PTPRD: variants seen among roughly 807,000 people sequenced by gnomAD.
The protein encoded by PTPRD is receptor-type tyrosine-protein phosphatase delta.
Under a neutral mutation model 214.5 loss-of-function variants are expected in PTPRD, and 34 were observed. The ratio of observed to expected loss-of-function variants is 0.16; its 90% CI spans 0.12 to 0.21. The LOEUF (loss-of-function observed/expected upper bound fraction) is 0.21. Ranked by LOEUF, PTPRD falls within the 10% of genes least tolerant of loss-of-function variation. The pLI is 1.00. For missense variants in PTPRD, 2,545 were observed against 2,398.7 expected, an observed-to-expected ratio of 1.06 and a Z score of -1.27; for synonymous variants, 1,128 against 845.7, an observed-to-expected ratio of 1.33 and a Z score of -5.79.
At chr9:10,420,295 G>C (rs2098534010) in intron 2 of PTPRD, among the ~76,000 whole-genome samples, 1 of 151,788 alleles carries the variant, frequency 6.6e-6, no homozygotes, top group Non-Finnish European at 1.5e-5. Context: ...ATGAACAACA[G>C]GTAATCTCTT....
chr9:8,396,376 T>G (rs1451742742), intron 36 of PTPRD, among the ~76,000 whole-genome samples: 1 of 152,116 alleles, frequency 6.6e-6, no homozygotes, highest in African/African-American at 2.4e-5. Flanking sequence ...AGGATAAAAA[T>G]AATTCTTTTA....
Position 8,977,934 on chromosome 9 carries a change from T to C in PTPRD, c.-104+40763A>G, listed in dbSNP as rs77769193. Reference sequence around the variant, plus strand: ...AATACTCTCAGTTACAAATATCCAATATTCAATTTTAAATTGTTTATACTG... The same window carrying C: ...AATACTCTCAGTTACAAATATCCAACATTCAATTTTAAATTGTTTATACTG... On this transcript the variant is annotated intron_variant, in intron 11 of 45. Transcript: ENST00000381196. Among the ~76,000 whole-genome samples the C allele has an allele frequency of 1.8e-3, 271 of 152,218 alleles. 2 individuals carry two copies. Among genetic ancestry groups the C allele is most frequent in the African/African-American group, 6.2e-3 (259 of 41,556 alleles).
chr9:9,784,592 T>G (rs952670147), intron 5 of PTPRD, among the ~76,000 whole-genome samples: 5 of 151,968 alleles, frequency 3.3e-5, no homozygotes, highest in African/African-American at 9.7e-5. Context: ...AGGTACATCT[T>G]ATTTCAAGAT....
At chr9:9,649,719 A>C (rs2096285291) in intron 7 of PTPRD, among the ~76,000 whole-genome samples, 1 of 152,182 alleles carries the variant, frequency 6.6e-6, no homozygotes, top group Admixed American at 6.5e-5. Context: ...AATGTATTTC[A>C]TTTAACATGT....
intron 9 of PTPRD, among the ~76,000 whole-genome samples, chr9:9,211,722 T>C (rs2099948867): frequency 1.3e-5 from 2 of 152,220 alleles, no homozygotes; most frequent in Admixed American, 6.5e-5. Flanking sequence ...ATTTTTGGTA[T>C]TGACTTTGTC....
chr9:8,744,426 A>G (rs1173778844), intron 11 of PTPRD, among the ~76,000 whole-genome samples: 1 of 152,260 alleles, frequency 6.6e-6, no homozygotes, highest in Non-Finnish European at 1.5e-5. Context: ...GAGTGGATAA[A>G]GAAAATGCAG....
intron 23 of PTPRD, among the ~76,000 whole-genome samples, 154 bp downstream of exon 23, chr9:8,504,105 TCA>T (rs1438076480): frequency 6.6e-6 from 1 of 152,156 alleles, no homozygotes; most frequent in Non-Finnish European, 1.5e-5. Flanking sequence ...CCAAAAGAAG[TCA>T]CAGTTACACT....
At chr9:9,975,707 A>G (rs2095327080) in intron 4 of PTPRD, among the ~76,000 whole-genome samples, 1 of 152,194 alleles carries the variant, frequency 6.6e-6, no homozygotes, top group South Asian at 2.1e-4. Context: ...ATAATAAGAA[A>G]GGCTCCTGGA....
intron 8 of PTPRD, among the ~76,000 whole-genome samples, chr9:9,465,944 T>A (rs1156510842): frequency 1.7e-5 from 2 of 114,780 alleles, no homozygotes; most frequent in East Asian, 7.1e-4. Flanking sequence ...GACCACAAAT[T>A]GTGCTTATTT....
intron 14 of PTPRD, among the ~76,000 whole-genome samples, chr9:8,617,431 A>G (rs1345679312): frequency 2.6e-5 from 4 of 152,090 alleles, no homozygotes. Context: ...GCAAAACCTG[A>G]TGTACATAAG....
intron 9 of PTPRD, among the ~76,000 whole-genome samples, chr9:9,362,576 T>C (rs1037284377): frequency 6.0e-5 from 9 of 151,144 alleles, no homozygotes; most frequent in Admixed American, 3.3e-4. Flanking sequence ...CTAAAAGATA[T>C]ATCTGTCCCA....
intron 6 of PTPRD, among the ~76,000 whole-genome samples, chr9:9,757,058 A>G (rs1286326553): frequency 3.3e-5 from 5 of 152,214 alleles, no homozygotes; most frequent in Non-Finnish European, 5.9e-5. Flanking sequence ...GAATTATTTT[A>G]TCTTAGATGG....
intron 2 of PTPRD, among the ~76,000 whole-genome samples, chr9:10,402,541 T>C (rs1181638368): frequency 6.6e-6 from 1 of 151,756 alleles, no homozygotes; most frequent in Non-Finnish European, 1.5e-5. Context: ...GTAAAAGTCA[T>C]AGTAAAATAT....
At chr9:10,512,625 T>C (rs190339639) in intron 2 of PTPRD, among the ~76,000 whole-genome samples, 8 of 152,254 alleles carry the variant, frequency 5.3e-5, no homozygotes, top group Admixed American at 5.2e-4. Flanking sequence ...CAGGTTTCTA[T>C]TTTATTTCTG....
At chr9:8,334,050 A>C (rs536949388) in intron 43 of PTPRD, among the ~76,000 whole-genome samples, 36 of 152,144 alleles carry the variant, frequency 2.4e-4, no homozygotes, top group Non-Finnish European at 4.4e-4. Flanking sequence ...AAGTTCTTAG[A>C]TACCTACAAA....
In PTPRD at chr9:10,462,436, A is replaced by G. The variant is rs576926269; in HGVS notation, c.-599-121419T>C. 5.3e-5 allele frequency among the ~76,000 whole-genome samples: 8 copies of G among 152,318 alleles called. No homozygotes were observed. The South Asian group carries it at 8.3e-4, about 16-fold the overall frequency. Reference sequence around the variant, plus strand: ...GAGATTCTGGAAAGTAAACTAATTCACCAAACACACACATCTTGTAAGTGG... The same window carrying G: ...GAGATTCTGGAAAGTAAACTAATTCGCCAAACACACACATCTTGTAAGTGG... On this transcript the variant is annotated intron_variant, in intron 2 of 45. Coordinates refer to ENST00000381196, the MANE Select transcript of PTPRD (RefSeq NM_002839.4).
Position 9,618,071 on chromosome 9 carries a change from C to CAAAAAAAAAAAAAAAAAAAAAAAA in PTPRD, c.-286-43314_-286-43291dup. On this transcript the variant is annotated intron_variant, in intron 7 of 45. Coordinates refer to ENST00000381196, the MANE Select transcript of PTPRD (RefSeq NM_002839.4). ...TGGGCGACAGAGCGAGACTCCATCT[C>CAAAAAAAAAAAAAAAAAAAAAAAA]AAAAAAAAAAAAAAAAAAAAAAAAA... 1.1e-3 allele frequency among the ~76,000 whole-genome samples: 25 copies of CAAAAAAAAAAAAAAAAAAAAAAAA among 23,030 alleles called. 1 individual carries two copies. The highest frequency in any genetic ancestry group is 1.6e-3 in the Non-Finnish European group (21 of 12,792). The allele number at this position is 23,030 out of a possible 152,430, so 15.1% of individuals were successfully genotyped here.
rs201981267 is a variant in PTPRD at position 8,920,800 on chromosome 9, C to CTTATTTAT, written c.-104+97889_-104+97896dup. ...TATTCCTAAGAAGCTTCTCCATTTT[C>CTTATTTAT]TTATTTATTTATTTATTTATTATTT... On this transcript the variant is annotated intron_variant, in intron 11 of 45. Coordinates refer to ENST00000381196, the MANE Select transcript of PTPRD (RefSeq NM_002839.4). 6.6e-3 allele frequency among the ~76,000 whole-genome samples: 1,004 copies of CTTATTTAT among 151,780 alleles called. 11 individuals carry two copies. Among genetic ancestry groups the CTTATTTAT allele is most frequent in the African/African-American group, 0.023 (933 of 41,372 alleles).
At chr9:9,296,462 G>A (rs1007441057) in intron 9 of PTPRD, among the ~76,000 whole-genome samples, 2 of 151,692 alleles carry the variant, frequency 1.3e-5, no homozygotes, top group Non-Finnish European at 2.9e-5. Context: ...TCAAATATAT[G>A]CAAGTAGCAA....
Sources: gnomAD v4.1 joint callset for allele counts (sites outside exome capture counted in the v4.1 genomes callset) on GRCh38, gnomAD v4.1.1 for gene constraint, MANE v1.5 for transcripts, NCBI Gene and HGNC (gene_info 2026-07-23, HGNC 2026-07-21) for gene names.